POU2F1: variants seen among roughly 807,000 people sequenced by gnomAD.
POU2F1 encodes POU domain, class 2, transcription factor 1.
POU2F1 carries 16 observed loss-of-function variants against 84.9 expected under a neutral mutation model. That is an observed-to-expected ratio of 0.19 (90% confidence interval 0.13 to 0.29). The LOEUF is 0.29. POU2F1 is among the 10% of genes least tolerant of loss of function. The pLI, the probability that POU2F1 is intolerant of heterozygous loss-of-function variation, is 1.00. For missense variants in POU2F1, 738 were observed against 942.6 expected, an observed-to-expected ratio of 0.78 and a Z score of 2.84; for synonymous variants, 368 against 368.3, an observed-to-expected ratio of 1.00 and a Z score of 0.01.
chr1:167,338,103 C>A (rs1179604692), intron 2 of POU2F1: 2 of 456,884 alleles, frequency 4.4e-6, no homozygotes, highest in African/African-American at 4.3e-5. Context: ...CATAAAGTTA[C>A]ACCAAGTGTG....
chr1:167,407,128 T>C (rs552099028), intron 13 of POU2F1, among the ~76,000 whole-genome samples: 2 of 152,176 alleles, frequency 1.3e-5, no homozygotes, highest in East Asian at 3.9e-4. Flanking sequence ...CTTCCCAGGC[T>C]CAAGCAGTCC....
rs201510019 is a variant in POU2F1 at position 167,370,224 on chromosome 1, G to T, written c.282+10G>T. 1 of 1,587,012 alleles carries T rather than the reference G, an allele frequency of 6.3e-7. No homozygotes were observed. The highest frequency in any genetic ancestry group is 1.2e-5 in the South Asian group (1 of 86,012). On this transcript the variant is annotated intron_variant, in intron 4 of 15. Transcript: ENST00000367866. ...GTCTTTAAATGTACAGGTAAGCTGG[G>T]ACCTGGGATTATGGGTCAATCTTTT...
intron 13 of POU2F1, among the ~76,000 whole-genome samples, chr1:167,411,218 T>G (rs1649942757): frequency 6.6e-6 from 1 of 152,100 alleles, no homozygotes; most frequent in African/African-American, 2.4e-5. Context: ...TTTTGTATTT[T>G]TATTAGAGGC....
Position 167,383,154 on chromosome 1 carries a change from TCTTTA to T in POU2F1, c.719-699_719-695del, listed in dbSNP as rs544366151. Among the ~76,000 whole-genome samples, 21 of 152,348 alleles carry T rather than the reference TCTTTA, an allele frequency of 1.4e-4. No individual in the cohort carries two copies. The East Asian group carries it at 3.3e-3, about 24-fold the overall frequency. On this transcript the variant is annotated intron_variant, in intron 7 of 15. Coordinates refer to ENST00000367866, the MANE Select transcript of POU2F1 (RefSeq NM_002697.4). The stretch of plus-strand genomic sequence containing the variant: ...TTAGCAACAGCATTTTATCTGAAAC[TCTTTA>T]CTTAAACTCTTTACTCTGTATTTAA...
chr1:167,241,035 G>A (rs193058562), intron 1 of POU2F1, among the ~76,000 whole-genome samples: 18 of 152,204 alleles, frequency 1.2e-4, no homozygotes, highest in Non-Finnish European at 2.4e-4. Context: ...CCAGCTACTC[G>A]GGAGGCTGAG....
At chr1:167,301,818 C>G (rs997641345) in intron 1 of POU2F1, among the ~76,000 whole-genome samples, 1 of 151,850 alleles carries the variant, frequency 6.6e-6, no homozygotes, top group African/African-American at 2.4e-5. Flanking sequence ...TTTTTTTGTT[C>G]TGTGTGCTTT....
chr1:167,322,584 A>G (rs1214203870), intron 1 of POU2F1, among the ~76,000 whole-genome samples: 3 of 152,238 alleles, frequency 2.0e-5, no homozygotes, highest in African/African-American at 7.2e-5. Flanking sequence ...GGCCTGAGCC[A>G]GAAATGCCCC....
At chr1:167,347,135 A>G (rs1195951249) in intron 2 of POU2F1, among the ~76,000 whole-genome samples, 3 of 152,218 alleles carry the variant, frequency 2.0e-5, no homozygotes, top group African/African-American at 7.2e-5. Context: ...GGTGTCGGAA[A>G]TTTAGTCTAT....
chr1:167,285,455 A>G (rs1452453444), intron 1 of POU2F1, among the ~76,000 whole-genome samples: 1 of 152,124 alleles, frequency 6.6e-6, no homozygotes, highest in Non-Finnish European at 1.5e-5. Flanking sequence ...AGCCAGGCGC[A>G]GCAGCAGGCG....
intron 6 of POU2F1, among the ~76,000 whole-genome samples, chr1:167,374,786 C>T (rs1007838571): frequency 4.6e-5 from 7 of 152,060 alleles, no homozygotes; most frequent in African/African-American, 1.4e-4. Flanking sequence ...ATTTAAGAAG[C>T]GCCAGGCGCG....
At chr1:167,414,165 T>A (rs149740334) in intron 15 of POU2F1, among the ~76,000 whole-genome samples, 1 of 152,324 alleles carries the variant, frequency 6.6e-6, no homozygotes, top group African/African-American at 2.4e-5. Flanking sequence ...CCTTACATTA[T>A]ATTGACTTTC....
At chr1:167,228,448 G>C (rs1648806138) in intron 1 of POU2F1, among the ~76,000 whole-genome samples, 2 of 152,322 alleles carry the variant, frequency 1.3e-5, no homozygotes, top group African/African-American at 2.4e-5. Context: ...TTATGAAATA[G>C]ATAAGTCGTG....
At chr1:167,233,673 T>C (rs1167771071) in intron 1 of POU2F1, among the ~76,000 whole-genome samples, 1 of 152,232 alleles carries the variant, frequency 6.6e-6, no homozygotes, top group Non-Finnish European at 1.5e-5. Context: ...CATACAATTC[T>C]TGAAACTAAT....
intron 13 of POU2F1, 41 bp from the exon 14 acceptor site, chr1:167,411,918 C>A (rs1208228179): frequency 6.4e-7 from 1 of 1,551,674 alleles, no homozygotes; most frequent in Admixed American, 1.8e-5. Flanking sequence ...CTTCCAAAAC[C>A]ATTTACAAAA....
At chr1:167,224,845 TC>T (rs1324790756) in intron 1 of POU2F1, among the ~76,000 whole-genome samples, 9 of 150,378 alleles carry the variant, frequency 6.0e-5, no homozygotes, top group African/African-American at 2.2e-4. Context: ...TTTTTTTTTT[TC>T]CAGACAGAGT....
At chr1:167,338,081 A>G in intron 2 of POU2F1, 1 of 453,370 alleles carries the variant, frequency 2.2e-6, no homozygotes, top group Non-Finnish European at 4.4e-6. Context: ...GTCAGAAATT[A>G]CAGTGTATTT....
intron 1 of POU2F1, among the ~76,000 whole-genome samples, chr1:167,242,031 A>G (rs1228180171): frequency 6.6e-6 from 1 of 152,228 alleles, no homozygotes; most frequent in Non-Finnish European, 1.5e-5. Context: ...GAAGATATTT[A>G]TGGTAGAAAT....
chr1:167,419,068 C>T lies in POU2F1; in HGVS notation c.*3258C>T, dbSNP rs930546926. 10 of 152,098 alleles carry T rather than the reference C, an allele frequency of 6.6e-5. No homozygotes were observed. The highest frequency in any genetic ancestry group is 3.9e-4 in the Admixed American group (6 of 15,270). The allele number at this position is 152,098 out of a possible 1,614,324, so 9.4% of individuals were successfully genotyped here. The stretch of plus-strand genomic sequence containing the variant: ...CATCATCCCTAGATATTCTACTTAT[C>T]GTATTGCTTCATGAACACCTTAGTC... On this transcript the variant is annotated 3_prime_UTR_variant, in exon 16 of 16. Transcript: ENST00000367866.
intron 1 of POU2F1, among the ~76,000 whole-genome samples, chr1:167,301,480 A>G (rs1654699091): frequency 6.6e-6 from 1 of 152,224 alleles, no homozygotes; most frequent in African/African-American, 2.4e-5. Context: ...TTTAAAACCA[A>G]TCTGAAGCCA....
Sources: allele counts gnomAD v4.1 joint callset (sites outside exome capture counted in the v4.1 genomes callset), GRCh38; gene constraint gnomAD v4.1.1; transcripts MANE v1.5; gene names NCBI Gene and HGNC (gene_info 2026-07-23, HGNC 2026-07-21).